CLIC5: variants seen among roughly 807,000 people sequenced by gnomAD.
CLIC5 encodes the protein CLIC family member 5, also known as chloride intracellular channel protein 5.
In CLIC5, 20 loss-of-function variants were observed where a neutral mutation model predicts 24.7. The ratio of observed to expected loss-of-function variants is 0.81; its 90% CI spans 0.57 to 1.18. The LOEUF (loss-of-function observed/expected upper bound fraction) is 1.18. CLIC5 is among the 50% of genes most tolerant of loss of function. The pLI, the probability that CLIC5 is intolerant of heterozygous loss-of-function variation, is 0.00. For synonymous variants in CLIC5, 159 were observed against 135.6 expected (o/e 1.17, Z -1.20); for missense variants, 341 against 326.1 (o/e 1.05, Z -0.35).
At chr6:45,891,863 A>G (rs1762351149) in intron 6 of CLIC5, among the ~76,000 whole-genome samples, 1 of 152,222 alleles carries the variant, frequency 6.6e-6, no homozygotes, top group African/African-American at 2.4e-5. Context: ...AAAAATATAA[A>G]TAAATAAATG....
At chr6:46,082,997 AT>A (rs1449914794), upstream of CLIC5, among the ~76,000 whole-genome samples, 1 of 152,244 alleles carries the variant, frequency 6.6e-6, no homozygotes, top group African/African-American at 2.4e-5. Flanking sequence ...TATATGTTGA[AT>A]GAATACGTAT....
rs59057489 is a variant in CLIC5 at position 45,924,967 on chromosome 6, G to A, written c.407-10558C>T. ...GAATGCGGATGTGATGTTTGGGGGT[G>A]GAGCAACCATCCTGTGAAACAAGAA... On this transcript the variant is annotated intron_variant, in intron 4 of 5. Coordinates refer to ENST00000339561, the MANE Select transcript of CLIC5 (RefSeq NM_016929.5). 6.3e-3 allele frequency among the ~76,000 whole-genome samples: 957 copies of A among 152,228 alleles called. 29 individuals are homozygous for A. Among genetic ancestry groups the A allele is most frequent in the Admixed American group, 0.046 (698 of 15,286 alleles).
At chr6:45,986,428 G>GC (rs1561985020) in intron 1 of CLIC5, among the ~76,000 whole-genome samples, 1 of 152,182 alleles carries the variant, frequency 6.6e-6, no homozygotes, top group Non-Finnish European at 1.5e-5. Flanking sequence ...TAAAAATCCT[G>GC]CCATGCATTC....
chr6:46,066,763 G>A lies in CLIC5; in HGVS notation c.540+12940C>T, dbSNP rs150289540. 1.1e-3 allele frequency among the ~76,000 whole-genome samples: 169 copies of A among 152,284 alleles called. 1 individual carries two copies. Among genetic ancestry groups the A allele is most frequent in the Admixed American group, 1.8e-3 (27 of 15,292 alleles). On this transcript the variant is annotated intron_variant, in intron 1 of 5. Coordinates refer to the CLIC5 transcript ENST00000185206. ...GCTAAAATGAAGGCAGGCACTGAGG[G>A]AGAATACCTAGAATGATCTGAAGGT...
rs189889598 is a variant in CLIC5 at position 46,009,910 on chromosome 6, C to T, written c.63+5570G>A. ...CAGTGGGTCAGGGATCTGCAGTTAC[C>T]CTGTAGTCAGTCCAACCACATTACT... On this transcript the variant is annotated intron_variant, in intron 1 of 5. Transcript: ENST00000339561. Among the ~76,000 whole-genome samples the T allele has an allele frequency of 1.8e-3, 268 of 152,228 alleles. 1 individual carries two copies. Among genetic ancestry groups the T allele is most frequent in the Non-Finnish European group, 2.8e-3 (189 of 68,004 alleles).
intron 1 of CLIC5, among the ~76,000 whole-genome samples, chr6:46,012,701 T>C (rs1229651718): frequency 6.6e-6 from 1 of 152,230 alleles, no homozygotes; most frequent in Non-Finnish European, 1.5e-5. Context: ...CATCTACCTT[T>C]GGGCATTTTA....
chr6:45,884,460 C>T (rs1230583654), intron 6 of CLIC5, among the ~76,000 whole-genome samples: 7 of 152,308 alleles, frequency 4.6e-5, no homozygotes, highest in Non-Finnish European at 7.3e-5. Context: ...AAGGGGGCAG[C>T]GGAATATGTA....
chr6:46,113,611 A>T, the CLIC5 span, among the ~76,000 whole-genome samples: 2 of 152,210 alleles, frequency 1.3e-5, no homozygotes, highest in Non-Finnish European at 2.9e-5. Context: ...CAGGTGAGTC[A>T]TGCTGGCAAG....
At chr6:46,065,430 A>T (rs2127472099) in intron 1 of CLIC5, among the ~76,000 whole-genome samples, 1 of 152,228 alleles carries the variant, frequency 6.6e-6, no homozygotes, top group African/African-American at 2.4e-5. Flanking sequence ...TACCCAAATG[A>T]AATATAAAAC....
intron 1 of CLIC5, among the ~76,000 whole-genome samples, chr6:45,975,490 T>C (rs1474326212): frequency 6.6e-6 from 1 of 152,118 alleles, no homozygotes; most frequent in Non-Finnish European, 1.5e-5. Context: ...GTCCAACACA[T>C]GTATAGATGG....
intron 1 of CLIC5, among the ~76,000 whole-genome samples, chr6:45,975,151 C>T (rs911863089): frequency 2.6e-5 from 4 of 152,006 alleles, no homozygotes; most frequent in African/African-American, 9.7e-5. Context: ...CCCTTGGGTC[C>T]CTTTACTTGT....
chr6:46,120,720 T>C, the CLIC5 span, among the ~76,000 whole-genome samples: 3 of 152,066 alleles, frequency 2.0e-5, no homozygotes, highest in Non-Finnish European at 1.5e-5. Flanking sequence ...GAATAACCAA[T>C]GCAGAGAAGT....
chr6:45,994,024 G>C (rs1204294693), intron 1 of CLIC5, among the ~76,000 whole-genome samples: 1 of 152,078 alleles, frequency 6.6e-6, no homozygotes, highest in Non-Finnish European at 1.5e-5. Flanking sequence ...TCAGCCCTCA[G>C]CTTTTTTCTT....
chr6:45,918,461 T>G (rs1277763715), intron 4 of CLIC5, among the ~76,000 whole-genome samples: 1 of 152,178 alleles, frequency 6.6e-6, no homozygotes, highest in Non-Finnish European at 1.5e-5. Context: ...GCAGCACAGG[T>G]CCTGATGAGC....
chr6:45,909,774 T>C (rs1762765813), intron 5 of CLIC5, among the ~76,000 whole-genome samples: 1 of 152,228 alleles, frequency 6.6e-6, no homozygotes, highest in Admixed American at 6.5e-5. Context: ...TCATTTTGTA[T>C]GGTATCTCAC....
At chr6:45,930,208 A>G (rs1334374231) in intron 4 of CLIC5, among the ~76,000 whole-genome samples, 3 of 152,174 alleles carry the variant, frequency 2.0e-5, no homozygotes, top group Admixed American at 6.5e-5. Context: ...GGCCTTTGAT[A>G]ATAAGGGGCT....
At chr6:45,944,599 CA>C (rs1220555477) in intron 3 of CLIC5, among the ~76,000 whole-genome samples, 1 of 130,578 alleles carries the variant, frequency 7.7e-6, no homozygotes, top group Non-Finnish European at 1.7e-5. Context: ...AAAATAGTAG[CA>C]AAAAAAGAGA....
the CLIC5 span, among the ~76,000 whole-genome samples, chr6:46,085,674 G>T: frequency 2.0e-5 from 3 of 152,248 alleles, no homozygotes; most frequent in Admixed American, 1.3e-4. Context: ...TGAGGTGTCA[G>T]TCTGCCCCTA....
In CLIC5 at chr6:45,899,057, G is replaced by A. The variant is rs1035726248; in HGVS notation, c.*4031C>T. On this transcript the variant is annotated 3_prime_UTR_variant, in exon 6 of 6. Transcript: ENST00000339561. ...GATCATACATAATTATGAATCGAAA[G>A]TATCCTGACACTAAGCTGGGAGATG... The A allele has an allele frequency of 6.6e-6, 1 of 152,156 alleles. No individual in the cohort carries two copies. The highest frequency in any genetic ancestry group is 1.5e-5 in the Non-Finnish European group (1 of 68,032). 9.4% of individuals were successfully genotyped at this position (152,156 alleles called of 1,614,324 possible). A position where few individuals can be genotyped will look rare whatever the true frequency, so the allele number is the denominator to read the frequency against.
Sources: allele counts gnomAD v4.1 joint callset (sites outside exome capture counted in the v4.1 genomes callset), GRCh38; gene constraint gnomAD v4.1.1; transcripts MANE v1.5; gene names NCBI Gene and HGNC (gene_info 2026-07-23, HGNC 2026-07-21).